The following PHF2 variants were observed in gnomAD, a reference collection of about 807,000 sequenced individuals.
The protein encoded by PHF2 is lysine-specific demethylase PHF2.
PHF2 carries 27 observed loss-of-function variants against 120.5 expected under a neutral mutation model. The ratio of observed to expected loss-of-function variants is 0.22; its 90% CI spans 0.17 to 0.31. The LOEUF (loss-of-function observed/expected upper bound fraction) is 0.31, where lower values mean the gene tolerates loss of function less well. Ranked by LOEUF, PHF2 falls within the 10% of genes least tolerant of loss-of-function variation. The probability of loss-of-function intolerance (pLI) is 1.00; values close to 1 mark genes in which losing one functional copy is unlikely to be tolerated. For missense variants in PHF2, 1,024 were observed against 1,434.8 expected, an observed-to-expected ratio of 0.71 and a Z score of 4.63; for synonymous variants, 568 against 592.5, an observed-to-expected ratio of 0.96 and a Z score of 0.60.
At chr9:93,599,922 A>G (rs1825408676) in intron 1 of PHF2, among the ~76,000 whole-genome samples, 1 of 152,214 alleles carries the variant, frequency 6.6e-6, no homozygotes, top group Admixed American at 6.5e-5. Flanking sequence ...TGTCTTTATC[A>G]GTGAAGACTT....
rs1426918318 is a variant in PHF2, at chr9:93,679,558, AAGT to A, written c.*1884_*1886del. 3 of 229,526 alleles carry A rather than the reference AAGT, an allele frequency of 1.3e-5. No homozygotes were observed. The highest frequency in any genetic ancestry group is 7.1e-5 in the African/African-American group (3 of 42,086). The allele number at this position is 229,526 out of a possible 1,614,324, so 14.2% of individuals were successfully genotyped here. A position where few individuals can be genotyped will look rare whatever the true frequency, so the allele number is the denominator to read the frequency against. Reference sequence around the variant, plus strand: ...GGCAACTTAGATCAAAGTTTTAAAAAAGTAAAAATATTTCAGGTTTTGTACAGA... The same window carrying A: ...GGCAACTTAGATCAAAGTTTTAAAAAAAAAATATTTCAGGTTTTGTACAGA... On this transcript the variant is annotated 3_prime_UTR_variant, in exon 22 of 22. Coordinates refer to ENST00000359246, the MANE Select transcript of PHF2 (RefSeq NM_005392.4).
At chr9:93,605,206 G>T (rs1012927899) in intron 1 of PHF2, among the ~76,000 whole-genome samples, 1 of 152,094 alleles carries the variant, frequency 6.6e-6, no homozygotes, top group African/African-American at 2.4e-5. Flanking sequence ...TACTTTTTGT[G>T]TTGTACATTT....
chr9:93,628,417 T>A (rs1323913541), intron 1 of PHF2, among the ~76,000 whole-genome samples: 1 of 152,240 alleles, frequency 6.6e-6, no homozygotes, highest in Non-Finnish European at 1.5e-5. Flanking sequence ...TTGTTACAGG[T>A]CTGTTCAAAT....
At chr9:93,590,743 C>T (rs892022141) in intron 1 of PHF2, among the ~76,000 whole-genome samples, 1 of 152,236 alleles carries the variant, frequency 6.6e-6, no homozygotes, top group Non-Finnish European at 1.5e-5. Flanking sequence ...GCTGGGGCCA[C>T]AGTCCTCCCT....
intron 17 of PHF2, among the ~76,000 whole-genome samples, chr9:93,671,600 T>A (rs370255360): frequency 3.4e-3 from 202 of 58,792 alleles, no homozygotes; most frequent in South Asian, 4.7e-3. Context: ...GGGAGTAGGG[T>A]CAGGTGTAGA....
At chr9:93,636,892 C>A (rs4403473) in intron 3 of PHF2, among the ~76,000 whole-genome samples, 8 of 151,936 alleles carry the variant, frequency 5.3e-5, no homozygotes, top group African/African-American at 1.9e-4. Context: ...CTCCCATGGC[C>A]CAGGCAGGCG....
intron 5 of PHF2, among the ~76,000 whole-genome samples, chr9:93,650,501 G>A (rs1826350585): frequency 6.6e-6 from 1 of 152,206 alleles, no homozygotes; most frequent in Admixed American, 6.5e-5. Flanking sequence ...TTCCAGGCAA[G>A]GCAGGCCCCA....
Position 93,584,989 on chromosome 9 carries a change from C to T in PHF2, c.98+8118C>T, listed in dbSNP as rs371746876. 7.2e-5 allele frequency among the ~76,000 whole-genome samples: 11 copies of T among 152,198 alleles called. No homozygotes were observed. The East Asian group carries it at 7.7e-4, about 11-fold the overall frequency. On this transcript the variant is annotated intron_variant, in intron 1 of 21. Coordinates refer to ENST00000359246, the MANE Select transcript of PHF2 (RefSeq NM_005392.4). Reference sequence around the variant, plus strand: ...TTCCTAGATGTTTTATTCTTTTGGACGCTATGGTAAGTGGTATTATTTTCT... The same window carrying T: ...TTCCTAGATGTTTTATTCTTTTGGATGCTATGGTAAGTGGTATTATTTTCT...
At chr9:93,664,607 TGTGA>T (rs1315905271) in intron 14 of PHF2, among the ~76,000 whole-genome samples, 10 of 152,132 alleles carry the variant, frequency 6.6e-5, no homozygotes, top group African/African-American at 2.4e-4. Context: ...GGCAGAGTCT[TGTGA>T]GTGTCAGGGA....
At chr9:93,617,947 T>A (rs1825754450) in intron 1 of PHF2, among the ~76,000 whole-genome samples, 1 of 152,200 alleles carries the variant, frequency 6.6e-6, no homozygotes, top group African/African-American at 2.4e-5. Flanking sequence ...ACTCAAATGT[T>A]AATCTCCTTT....
At position 93,576,720 on chromosome 9, in the gene PHF2, G is replaced by A. The variant is rs1280438311; in HGVS notation, c.-54G>A. On this transcript the variant is annotated 5_prime_UTR_variant, in exon 1 of 22. Transcript: ENST00000359246. ...CGCGGCCCGGCCCCCGGCCCGGCCC[G>A]GACCGACCCGGGCAGCGCAGCGGCG... 2.2e-6 allele frequency: 2 copies of A among 910,388 alleles called. No individual in the cohort carries two copies. Among genetic ancestry groups the A allele is most frequent in the African/African-American group, 1.9e-5 (1 of 53,748 alleles). The allele number at this position is 910,388 out of a possible 1,614,324, so 56.4% of individuals were successfully genotyped here.
At chr9:93,659,399 C>T (rs1170627431) in intron 10 of PHF2, 112 bp from the exon 11 acceptor site, 4 of 837,954 alleles carry the variant, frequency 4.8e-6, no homozygotes, top group Non-Finnish European at 8.0e-6. Context: ...AGCCCCTCGC[C>T]TCATGCTCAT....
At chr9:93,587,142 G>A (rs887523212) in intron 1 of PHF2, among the ~76,000 whole-genome samples, 1 of 152,250 alleles carries the variant, frequency 6.6e-6, no homozygotes, top group Non-Finnish European at 1.5e-5. Context: ...AGAGAGGCCA[G>A]AGACTAGTTA....
chr9:93,675,142 G>A lies in PHF2; in HGVS notation c.2722+120G>A. 1.7e-5 allele frequency: 13 copies of A among 780,888 alleles called. 1 individual carries two copies. The South Asian group carries it at 2.1e-4, about 13-fold the overall frequency. 48.4% of individuals were successfully genotyped at this position (780,888 alleles called of 1,614,324 possible). On this transcript the variant is annotated intron_variant, in intron 19 of 21. Transcript: ENST00000359246. ...CAGCTCTGCACCTGTCCTATCCTGA[G>A]GGCTGGGCAGCCCGTCCCGCTGGGG...
In PHF2 at chr9:93,678,159, C is replaced by G. The variant is rs79380127; in HGVS notation, c.*483C>G. ...GAGCAAGTGGGATGTTTATGTCCCC[C>G]CTTCTCTTCCTGAGTGATTCTCAGC... is the stretch of plus-strand genomic sequence containing the variant. On this transcript the variant is annotated 3_prime_UTR_variant, in exon 22 of 22. Transcript: ENST00000359246. 0.014 allele frequency: 2,214 copies of G among 155,274 alleles called. 43 individuals are homozygous for G. Among genetic ancestry groups the G allele is most frequent in the African/African-American group, 0.05 (2,083 of 41,584 alleles). The allele number at this position is 155,274 out of a possible 1,614,324, so 9.6% of individuals were successfully genotyped here.
chr9:93,611,174 GGGA>G (rs1347810387), intron 1 of PHF2, among the ~76,000 whole-genome samples: 13 of 151,942 alleles, frequency 8.6e-5, no homozygotes, highest in African/African-American at 2.4e-4. Context: ...CCAGCACTTT[GGGA>G]GGCTGAGGTG....
intron 3 of PHF2, among the ~76,000 whole-genome samples, chr9:93,638,615 A>G (rs570350640): frequency 1.3e-5 from 2 of 152,234 alleles, no homozygotes; most frequent in African/African-American, 2.4e-5. Context: ...ATTCAATTCT[A>G]TTCCACTAAT....
At chr9:93,642,747 T>G (rs1045596110) in intron 3 of PHF2, among the ~76,000 whole-genome samples, 1 of 152,236 alleles carries the variant, frequency 6.6e-6, no homozygotes, top group Non-Finnish European at 1.5e-5. Flanking sequence ...GAGTCACATG[T>G]CAATTCTGAA....
chr9:93,585,608 G>A (rs1000852), intron 1 of PHF2, among the ~76,000 whole-genome samples: 57,332 of 152,220 alleles, frequency 0.38, 11,305 homozygotes, highest in South Asian at 0.64. Flanking sequence ...CAAACATGAG[G>A]ATCTGATTGG....
Sources: allele counts gnomAD v4.1 joint callset (sites outside exome capture counted in the v4.1 genomes callset), GRCh38; gene constraint gnomAD v4.1.1; transcripts MANE v1.5; gene names NCBI Gene and HGNC (gene_info 2026-07-23, HGNC 2026-07-21).